OXR1: variants seen among roughly 807,000 people sequenced by gnomAD.
The protein encoded by OXR1 is oxidation resistance 1, also known as oxidation resistance protein 1.
Under a neutral mutation model 104.6 loss-of-function variants are expected in OXR1, and 41 were observed. That is an observed-to-expected ratio of 0.39 (90% CI 0.31 to 0.51). The LOEUF is 0.51. OXR1 is among the 20% of genes least tolerant of loss of function. The pLI is 0.77. For synonymous variants in OXR1, 348 were observed against 348.4 expected (o/e 1.00, Z 0.01); for missense variants, 955 against 1,031.9 (o/e 0.93, Z 1.02).
chr8:106,479,478 A>G (rs1425276758), intron 2 of OXR1, among the ~76,000 whole-genome samples: 1 of 151,956 alleles, frequency 6.6e-6, no homozygotes, highest in East Asian at 1.9e-4. Flanking sequence ...CTTCCACTAA[A>G]TTCACTTACA....
chr8:106,530,691 C>A (rs990928804), intron 3 of OXR1, among the ~76,000 whole-genome samples: 2 of 152,028 alleles, frequency 1.3e-5, no homozygotes, highest in Non-Finnish European at 2.9e-5. Context: ...TTACAGTGAC[C>A]ATTCATGATA....
intron 2 of OXR1, among the ~76,000 whole-genome samples, chr8:106,470,252 A>G (rs886918839): frequency 6.6e-6 from 1 of 151,852 alleles, no homozygotes; most frequent in African/African-American, 2.4e-5. Flanking sequence ...AAACCTATTA[A>G]AAGTACATAC....
At chr8:106,519,812 A>G (rs1813130074) in intron 3 of OXR1, among the ~76,000 whole-genome samples, 1 of 152,202 alleles carries the variant, frequency 6.6e-6, no homozygotes. Context: ...GTATTTTAAC[A>G]TTTAATCAGA....
At chr8:106,553,813 T>A (rs1816059581) in intron 3 of OXR1, among the ~76,000 whole-genome samples, 1 of 152,194 alleles carries the variant, frequency 6.6e-6, no homozygotes, top group African/African-American at 2.4e-5. Context: ...GCCTTCATAG[T>A]GCCTCCGCAT....
At chr8:106,435,128 A>G (rs1289559241) in intron 2 of OXR1, among the ~76,000 whole-genome samples, 2 of 152,156 alleles carry the variant, frequency 1.3e-5, no homozygotes, top group Non-Finnish European at 2.9e-5. Context: ...CTGCAGTACA[A>G]GGAACAGCAA....
chr8:106,445,607 C>G (rs925714362), intron 2 of OXR1, among the ~76,000 whole-genome samples: 1 of 152,152 alleles, frequency 6.6e-6, no homozygotes, highest in African/African-American at 2.4e-5. Flanking sequence ...CCAACCATGT[C>G]CATCATCTGT....
At chr8:106,658,470 G>A (rs972088720) in intron 3 of OXR1, among the ~76,000 whole-genome samples, 14 of 152,156 alleles carry the variant, frequency 9.2e-5, no homozygotes, top group African/African-American at 3.1e-4. Context: ...TATTTCAAGG[G>A]GACGATCCAT....
intron 3 of OXR1, among the ~76,000 whole-genome samples, chr8:106,537,838 A>C (rs112041358): frequency 1.0e-3 from 155 of 152,232 alleles, no homozygotes; most frequent in African/African-American, 3.5e-3. Context: ...AAAAAGAAGA[A>C]TGGATCTTGA....
intron 2 of OXR1, among the ~76,000 whole-genome samples, chr8:106,504,573 C>CCA (rs1812030121): frequency 1.3e-5 from 2 of 152,176 alleles, no homozygotes; most frequent in Non-Finnish European, 2.9e-5. Context: ...ATAGCACGAG[C>CCA]TCAAGAAATC....
chr8:106,739,151 C>T (rs979611170), intron 12 of OXR1, among the ~76,000 whole-genome samples: 2 of 150,668 alleles, frequency 1.3e-5, no homozygotes, highest in African/African-American at 4.9e-5. Flanking sequence ...TTTTGCCCTT[C>T]AAGGGCTTAA....
chr8:106,401,235 C>A (rs530081038), intron 2 of OXR1, among the ~76,000 whole-genome samples: 3 of 152,256 alleles, frequency 2.0e-5, no homozygotes, highest in East Asian at 3.9e-4. Flanking sequence ...TCCCTTACCA[C>A]TCTACTTCAG....
chr8:106,336,666 A>G (rs947276021), intron 1 of OXR1, among the ~76,000 whole-genome samples: 2 of 152,176 alleles, frequency 1.3e-5, no homozygotes, highest in African/African-American at 4.8e-5. Context: ...TGGGGAAGGG[A>G]CACTGGCAAG....
At chr8:106,378,724 G>A (rs1042669813) in intron 2 of OXR1, among the ~76,000 whole-genome samples, 2 of 152,094 alleles carry the variant, frequency 1.3e-5, no homozygotes, top group Non-Finnish European at 1.5e-5. Context: ...GGTCAGGCTG[G>A]TCTCAAACTC....
At chr8:106,300,508 C>A (rs1483282216) in intron 1 of OXR1, among the ~76,000 whole-genome samples, 1 of 151,608 alleles carries the variant, frequency 6.6e-6, no homozygotes, top group Non-Finnish European at 1.5e-5. Context: ...TCCTGTTATA[C>A]TAGATCCTAC....
At chr8:106,615,928 C>T (rs147935288) in intron 3 of OXR1, among the ~76,000 whole-genome samples, 1 of 151,706 alleles carries the variant, frequency 6.6e-6, no homozygotes, top group East Asian at 1.9e-4. Flanking sequence ...TCATTGTTAT[C>T]ATTGGCATTA....
intron 8 of OXR1, among the ~76,000 whole-genome samples, chr8:106,704,349 G>A (rs1830898156): frequency 7.2e-6 from 1 of 139,024 alleles, no homozygotes; most frequent in Non-Finnish European, 1.5e-5. Context: ...GTGAGATTCT[G>A]TTGTCCTCCT....
intron 3 of OXR1, among the ~76,000 whole-genome samples, chr8:106,583,963 C>T (rs893854427): frequency 1.3e-5 from 2 of 151,938 alleles, no homozygotes; most frequent in African/African-American, 4.8e-5. Flanking sequence ...AATATGAGAA[C>T]ACTGACTAAA....
intron 2 of OXR1, among the ~76,000 whole-genome samples, chr8:106,384,731 CT>C (rs66711083): frequency 0.38 from 54,261 of 141,972 alleles, 11,155 homozygotes; most frequent in South Asian, 0.49. Context: ...TTTCTTTTTT[CT>C]TTTTTTTTTT....
At chr8:106,718,509 TTTTGTAGTGTTAC>T in intron 11 of OXR1, among the ~76,000 whole-genome samples, 1 of 152,314 alleles carries the variant, frequency 6.6e-6, no homozygotes, top group Middle Eastern at 3.4e-3. Flanking sequence ...AATTTCCTCT[TTTTGTAGTGTTAC>T]TTTGTATGCC....
Sources: allele counts gnomAD v4.1 joint callset (sites outside exome capture counted in the v4.1 genomes callset), GRCh38; gene constraint gnomAD v4.1.1; transcripts MANE v1.5; gene names NCBI Gene and HGNC (gene_info 2026-07-23, HGNC 2026-07-21).